The following CTNNA3 variants were observed in gnomAD, a reference collection of about 807,000 sequenced individuals.
The protein encoded by CTNNA3 is catenin alpha 3, also known as catenin alpha-3.
In CTNNA3, 76 loss-of-function variants were observed where a neutral mutation model predicts 95.7. The observed-to-expected ratio is 0.79, with a 90% CI of 0.66 to 0.96. The LOEUF is 0.96. Ranked by LOEUF, CTNNA3 falls within the 40% of genes least tolerant of loss-of-function variation. CTNNA3 has a pLI of 0.00. For synonymous variants in CTNNA3, 431 were observed against 374.4 expected, an observed-to-expected ratio of 1.15 and a Z score of -1.74; for missense variants, 1,191 against 1,089.8, an observed-to-expected ratio of 1.09 and a Z score of -1.31.
At chr10:67,585,214 A>G (rs1464651989) in intron 3 of CTNNA3, among the ~76,000 whole-genome samples, 1 of 152,018 alleles carries the variant, frequency 6.6e-6, no homozygotes, top group Non-Finnish European at 1.5e-5. Flanking sequence ...AGTGTAATAT[A>G]TTTTTGATGT....
chr10:66,862,132 T>G (rs1843959784), intron 7 of CTNNA3, among the ~76,000 whole-genome samples: 1 of 152,118 alleles, frequency 6.6e-6, no homozygotes, highest in Non-Finnish European at 1.5e-5. Flanking sequence ...GAGAATCACT[T>G]GAAGCCAGGA....
chr10:67,453,105 G>A (rs1160345088), intron 5 of CTNNA3, among the ~76,000 whole-genome samples: 1 of 152,120 alleles, frequency 6.6e-6, no homozygotes, highest in African/African-American at 2.4e-5. Flanking sequence ...CTACAGCCTG[G>A]GCACTGGGCC....
chr10:66,952,173 G>T (rs1848569868), intron 7 of CTNNA3, among the ~76,000 whole-genome samples: 1 of 152,216 alleles, frequency 6.6e-6, no homozygotes, highest in African/African-American at 2.4e-5. Context: ...GTGTACAGCA[G>T]CTGTCACACA....
At chr10:67,046,309 A>G (rs1420369856) in intron 7 of CTNNA3, among the ~76,000 whole-genome samples, 2 of 152,204 alleles carry the variant, frequency 1.3e-5, no homozygotes, top group Admixed American at 6.5e-5. Flanking sequence ...CGTTGCTACC[A>G]TAAATCAAAT....
chr10:67,054,392 A>G (rs1250758391), intron 7 of CTNNA3, among the ~76,000 whole-genome samples: 1 of 152,168 alleles, frequency 6.6e-6, no homozygotes, highest in East Asian at 1.9e-4. Flanking sequence ...TAAGTGACCA[A>G]TGAGGACAGC....
In CTNNA3 at chr10:66,007,809, C is replaced by T. The variant is rs559320602; in HGVS notation, c.2160-19012G>A. Reference sequence around the variant, plus strand: ...TCCCTTCCTCCCTTCCTTCCTCCCTCGCTCCCTCCCTTTCTTCCTTCCTTT... The same window carrying T: ...TCCCTTCCTCCCTTCCTTCCTCCCTTGCTCCCTCCCTTTCTTCCTTCCTTT... On this transcript the variant is annotated intron_variant, in intron 15 of 17. Transcript: ENST00000433211. Among the ~76,000 whole-genome samples, 158 of 133,968 alleles carry T rather than the reference C, an allele frequency of 1.2e-3. 1 individual carries two copies. The highest frequency in any genetic ancestry group is 1.9e-3 in the Non-Finnish European group (120 of 62,238). The allele number at this position is 133,968 out of a possible 152,430, so 87.9% of individuals were successfully genotyped here. A position where few individuals can be genotyped will look rare whatever the true frequency, so the allele number is the denominator to read the frequency against.
chr10:67,557,464 A>C (rs1258919594), intron 3 of CTNNA3, among the ~76,000 whole-genome samples: 2 of 152,188 alleles, frequency 1.3e-5, no homozygotes, highest in Non-Finnish European at 2.9e-5. Context: ...TATGTTGCCT[A>C]TATTGATCCA....
intron 1 of CTNNA3, among the ~76,000 whole-genome samples, chr10:67,762,006 G>A (rs1306560451): frequency 6.6e-6 from 1 of 151,966 alleles, no homozygotes; most frequent in African/African-American, 2.4e-5. Context: ...TCACGAATTA[G>A]GAACATATGA....
chr10:67,356,770 A>G (rs1842824686), intron 5 of CTNNA3, among the ~76,000 whole-genome samples: 1 of 152,080 alleles, frequency 6.6e-6, no homozygotes, highest in Non-Finnish European at 1.5e-5. Context: ...ATGGTCCATC[A>G]TTACAATCAG....
intron 12 of CTNNA3, among the ~76,000 whole-genome samples, chr10:66,302,311 A>G (rs1360194024): frequency 6.6e-6 from 1 of 152,048 alleles, no homozygotes; most frequent in Non-Finnish European, 1.5e-5. Context: ...CATTTTGGGT[A>G]TTTACTAATT....
chr10:66,444,921 G>A (rs1224443928), intron 11 of CTNNA3, among the ~76,000 whole-genome samples: 2 of 152,102 alleles, frequency 1.3e-5, no homozygotes, highest in East Asian at 3.9e-4. Context: ...GCTGTATTCA[G>A]GAAACCCATC....
At chr10:67,211,811 T>G (rs1350279752) in intron 6 of CTNNA3, among the ~76,000 whole-genome samples, 2 of 152,164 alleles carry the variant, frequency 1.3e-5, no homozygotes, top group Admixed American at 6.5e-5. Context: ...TTATAACTCT[T>G]CTAATTCCTG....
At chr10:65,988,948 ATTGT>A (rs1208886398) in intron 15 of CTNNA3, 151 bp from the exon 16 acceptor site, 78 of 591,840 alleles carry the variant, frequency 1.3e-4, no homozygotes, top group East Asian at 4.1e-4. Flanking sequence ...TGTTTTTGTG[ATTGT>A]TTGTTTTGAG....
chr10:67,305,763 A>G (rs1211595379), intron 5 of CTNNA3, among the ~76,000 whole-genome samples: 1 of 152,178 alleles, frequency 6.6e-6, no homozygotes, highest in Non-Finnish European at 1.5e-5. Context: ...AGGGAAGCAG[A>G]CTCAATAGGA....
At chr10:66,349,193 C>A (rs1237527510) in intron 12 of CTNNA3, among the ~76,000 whole-genome samples, 1 of 152,066 alleles carries the variant, frequency 6.6e-6, no homozygotes, top group Non-Finnish European at 1.5e-5. Flanking sequence ...TGTGGGCAGC[C>A]TCTAGGAGCT....
intron 11 of CTNNA3, among the ~76,000 whole-genome samples, chr10:66,421,877 A>T (rs2093196990): frequency 2.0e-5 from 2 of 98,312 alleles, no homozygotes; most frequent in African/African-American, 4.0e-5. Flanking sequence ...TTAAATTTCT[A>T]AGAGCTTCAT....
intron 12 of CTNNA3, among the ~76,000 whole-genome samples, chr10:66,342,697 T>C (rs1220185215): frequency 6.6e-6 from 1 of 152,072 alleles, no homozygotes; most frequent in Non-Finnish European, 1.5e-5. Context: ...ATATAATTCA[T>C]TAATTCCTTC....
At chr10:67,341,302 T>C (rs2132614546) in intron 5 of CTNNA3, among the ~76,000 whole-genome samples, 1 of 152,312 alleles carries the variant, frequency 6.6e-6, no homozygotes, top group South Asian at 2.1e-4. Context: ...CTACTTTTTT[T>C]TTGTACCCAT....
chr10:67,056,585 CT>C (rs1855446022), intron 7 of CTNNA3, among the ~76,000 whole-genome samples: 1 of 152,248 alleles, frequency 6.6e-6, no homozygotes, highest in South Asian at 2.1e-4. Flanking sequence ...CACTCACAAA[CT>C]TTCTAAAATA....
Sources: allele counts gnomAD v4.1 joint callset (sites outside exome capture counted in the v4.1 genomes callset), GRCh38; gene constraint gnomAD v4.1.1; transcripts MANE v1.5; gene names NCBI Gene and HGNC (gene_info 2026-07-23, HGNC 2026-07-21).